Variants in CFAP299 observed in about 807,000 individuals in gnomAD.
CFAP299 encodes the protein cilia- and flagella-associated protein 299.
Under a neutral mutation model 27.0 loss-of-function variants are expected in CFAP299, and 21 were observed. The observed-to-expected ratio is 0.78, with a 90% CI of 0.55 to 1.12. The LOEUF is 1.12. Ranked by LOEUF, CFAP299 falls within the 50% of genes most tolerant of loss-of-function variation. The probability of loss-of-function intolerance (pLI) is 0.00; values close to 1 mark genes in which losing one functional copy is unlikely to be tolerated. For missense variants in CFAP299, 310 were observed against 276.6 expected (o/e 1.12, Z -0.86); for synonymous variants, 104 against 98.1 (o/e 1.06, Z -0.36).
At chr4:80,799,864 T>TAATATATATTATATTATATAA (rs1728268002) in intron 3 of CFAP299, among the ~76,000 whole-genome samples, 2 of 32,552 alleles carry the variant, frequency 6.1e-5, no homozygotes, top group African/African-American at 3.0e-4. Flanking sequence ...TAAATATATA[T>TAATATATATTATATTATATAA]TATATATATT....
At chr4:80,432,533 A>ATAT (rs372226655) in intron 2 of CFAP299, among the ~76,000 whole-genome samples, 1 of 120,974 alleles carries the variant, frequency 8.3e-6, no homozygotes, top group Non-Finnish European at 1.6e-5. Flanking sequence ...TTTACACTCT[A>ATAT]TTTTTTTTTT....
At chr4:80,959,411 C>T (rs1227290426) in intron 5 of CFAP299, among the ~76,000 whole-genome samples, 1 of 151,834 alleles carries the variant, frequency 6.6e-6, no homozygotes, top group Admixed American at 6.6e-5. Flanking sequence ...AACACTGCTA[C>T]AACTCTGATA....
At chr4:80,492,488 G>A (rs561686443) in intron 2 of CFAP299, among the ~76,000 whole-genome samples, 1 of 152,240 alleles carries the variant, frequency 6.6e-6, no homozygotes, top group South Asian at 2.1e-4. Flanking sequence ...AAATAGATGG[G>A]ACTAACAGGA....
chr4:80,961,901 T>G (rs572447770), intron 5 of CFAP299, among the ~76,000 whole-genome samples: 1 of 152,086 alleles, frequency 6.6e-6, no homozygotes, highest in Admixed American at 6.6e-5. Flanking sequence ...GAAATAACAA[T>G]GGCTAGCCCA....
rs562532677 is a variant in CFAP299, at chr4:80,514,548, C to T, written c.243-68545C>T. Among the ~76,000 whole-genome samples, 3 of 152,064 alleles carry T rather than the reference C, an allele frequency of 2.0e-5. No homozygotes were observed. In the South Asian group the frequency reaches 6.2e-4, roughly 32 times the overall value. ...TAATTATGAACAGATGACTGGCAAG[C>T]CCTTACCAAATAAAAATGATTATTT... On this transcript the variant is annotated intron_variant, in intron 2 of 5. Transcript: ENST00000358105.
intron 3 of CFAP299, among the ~76,000 whole-genome samples, chr4:80,603,948 T>C (rs1258939599): frequency 6.6e-6 from 1 of 152,126 alleles, no homozygotes; most frequent in African/African-American, 2.4e-5. Context: ...TTAAAATAAA[T>C]TAATACAACA....
chr4:80,896,292 T>A (rs560947434), intron 4 of CFAP299, among the ~76,000 whole-genome samples: 2 of 152,090 alleles, frequency 1.3e-5, no homozygotes, highest in Non-Finnish European at 2.9e-5. Flanking sequence ...GTAATACACA[T>A]AATTTTCAAA....
intron 3 of CFAP299, among the ~76,000 whole-genome samples, chr4:80,835,348 T>C (rs1287727299): frequency 6.6e-6 from 1 of 152,042 alleles, no homozygotes; most frequent in Non-Finnish European, 1.5e-5. Flanking sequence ...TCCGCCCGCC[T>C]CGGCCTGCTT....
At position 80,544,456 on chromosome 4, in the gene CFAP299, G is replaced by C. The variant is rs1309970389; in HGVS notation, c.243-38637G>C. 2.0e-5 allele frequency among the ~76,000 whole-genome samples: 3 copies of C among 152,306 alleles called. No homozygotes were observed. In the East Asian group the frequency reaches 5.8e-4, roughly 29 times the overall value. On this transcript the variant is annotated intron_variant, in intron 2 of 5. Transcript: ENST00000358105. Reference sequence around the variant, plus strand: ...ATAGAGAAACAATACCCAATTGCCTGCTGTCTTCAAGATAACTCATCTCAC... The same window carrying C: ...ATAGAGAAACAATACCCAATTGCCTCCTGTCTTCAAGATAACTCATCTCAC...
intron 2 of CFAP299, among the ~76,000 whole-genome samples, chr4:80,458,671 G>A (rs1317527521): frequency 2.0e-5 from 3 of 152,110 alleles, no homozygotes; most frequent in Admixed American, 6.6e-5. Flanking sequence ...AACTTTCCAG[G>A]TTTAGAATAC....
intron 4 of CFAP299, among the ~76,000 whole-genome samples, chr4:80,888,221 C>T (rs755269598): frequency 1.3e-5 from 2 of 151,810 alleles, no homozygotes; most frequent in African/African-American, 4.8e-5. Context: ...CAAGGGTCAA[C>T]GATCCGCTGC....
At chr4:80,672,268 G>T (rs1174241287) in intron 3 of CFAP299, among the ~76,000 whole-genome samples, 1 of 152,136 alleles carries the variant, frequency 6.6e-6, no homozygotes, top group Non-Finnish European at 1.5e-5. Flanking sequence ...TAATCATGTG[G>T]TTTTTGTCAT....
At position 80,819,944 on chromosome 4, in the gene CFAP299, A is replaced by G. The variant is rs11940230; in HGVS notation, c.334-50049A>G. ...ACCAGCTACATATTCTTGGAAAACT[A>G]AGACCTTTTTCCCCTTCTTATGTTG... is the stretch of plus-strand genomic sequence containing the variant. On this transcript the variant is annotated intron_variant, in intron 3 of 5. Coordinates refer to ENST00000358105, the MANE Select transcript of CFAP299 (RefSeq NM_152770.3). 2.3e-3 allele frequency among the ~76,000 whole-genome samples: 355 copies of G among 152,300 alleles called. 1 individual carries two copies. The highest frequency in any genetic ancestry group is 8.0e-3 in the African/African-American group (333 of 41,580).
In CFAP299 at chr4:80,387,137, C is replaced by G. The variant is rs1305620461; in HGVS notation, c.242+24253C>G. The G allele has an allele frequency of 2.1e-6, 3 of 1,406,356 alleles. No homozygotes were observed. In the African/African-American group the frequency reaches 4.2e-5, roughly 20 times the overall value. 87.1% of individuals were successfully genotyped at this position (1,406,356 alleles called of 1,614,324 possible). ...TGGATATTTGTTGACACGTTTGACA[C>G]ACTTGTAGACGGCACTGCCCTTCTT... is the stretch of plus-strand genomic sequence containing the variant. On this transcript the variant is annotated intron_variant, in intron 2 of 5. Transcript: ENST00000358105.
At chr4:80,619,521 T>C (rs1236780862) in intron 3 of CFAP299, among the ~76,000 whole-genome samples, 1 of 152,112 alleles carries the variant, frequency 6.6e-6, no homozygotes, top group Non-Finnish European at 1.5e-5. Flanking sequence ...AAATTTATTA[T>C]ATGTTGTGTT....
chr4:80,400,854 T>C (rs1726114979), intron 2 of CFAP299, among the ~76,000 whole-genome samples: 1 of 152,220 alleles, frequency 6.6e-6, no homozygotes, highest in African/African-American at 2.4e-5. Flanking sequence ...TGGACACTTG[T>C]TGAATGGCTT....
Position 80,732,611 on chromosome 4 carries a change from C to T in CFAP299, c.334-137382C>T, listed in dbSNP as rs894791456. Among the ~76,000 whole-genome samples, 7 of 152,164 alleles carry T rather than the reference C, an allele frequency of 4.6e-5. No homozygotes were observed. In the East Asian group the frequency reaches 1.3e-3, roughly 29 times the overall value. On this transcript the variant is annotated intron_variant, in intron 3 of 5. Transcript: ENST00000358105. ...ATCTTTCTCTTCCTTCCATCACAAA[C>T]TCTTCTCTCTTCAAGATCAGTTATT...
chr4:80,676,341 T>C (rs943827762), intron 3 of CFAP299, among the ~76,000 whole-genome samples: 1 of 152,230 alleles, frequency 6.6e-6, no homozygotes, highest in African/African-American at 2.4e-5. Flanking sequence ...TAACATGTTG[T>C]ATTTTTGAAT....
chr4:80,366,721 G>A (rs1177475896), intron 2 of CFAP299, among the ~76,000 whole-genome samples: 2 of 152,120 alleles, frequency 1.3e-5, no homozygotes, highest in East Asian at 3.9e-4. Flanking sequence ...ATATTCAAGG[G>A]AATTGAAAAA....
Sources: gnomAD v4.1 joint callset for allele counts (sites outside exome capture counted in the v4.1 genomes callset) on GRCh38, gnomAD v4.1.1 for gene constraint, MANE v1.5 for transcripts, NCBI Gene and HGNC (gene_info 2026-07-23, HGNC 2026-07-21) for gene names.